The following CIT variants were observed in gnomAD, a reference collection of about 807,000 sequenced individuals.
CIT encodes the protein citron rho-interacting serine/threonine kinase.
In CIT, 79 loss-of-function variants were observed where a neutral mutation model predicts 272.7. The ratio of observed to expected loss-of-function variants is 0.29; its 90% confidence interval spans 0.24 to 0.35. The LOEUF is 0.35. CIT is among the 10% of genes least tolerant of loss of function. CIT has a pLI of 1.00. For missense variants in CIT, 1,909 were observed against 2,618.3 expected, an observed-to-expected ratio of 0.73 and a Z score of 5.91; for synonymous variants, 948 against 995.6, an observed-to-expected ratio of 0.95 and a Z score of 0.90.
At chr12:119,795,645 G>C (rs1965672331) in intron 10 of CIT, among the ~76,000 whole-genome samples, 1 of 152,186 alleles carries the variant, frequency 6.6e-6, no homozygotes, top group Non-Finnish European at 1.5e-5. Context: ...ATCTAGCAAA[G>C]TCATGGCTCT....
chr12:119,836,179 C>T (rs1315381329), intron 5 of CIT, among the ~76,000 whole-genome samples: 2 of 146,922 alleles, frequency 1.4e-5, no homozygotes, highest in Admixed American at 7.0e-5. Flanking sequence ...CCCAGCTACT[C>T]GGGAGGCTGA....
At chr12:119,812,659 G>C (rs1966860526) in intron 9 of CIT, among the ~76,000 whole-genome samples, 2 of 151,718 alleles carry the variant, frequency 1.3e-5, no homozygotes, top group South Asian at 4.2e-4. Flanking sequence ...ATGTTGCCCA[G>C]GCTAGTCTCA....
chr12:119,767,236 G>A (rs1962555740), intron 18 of CIT, 54 bp from the exon 19 acceptor site: 2 of 1,321,736 alleles, frequency 1.5e-6, no homozygotes, highest in Non-Finnish European at 2.1e-6. Flanking sequence ...CACCGCCAAT[G>A]CACGTTAGAC....
At chr12:119,851,050 T>C (rs1166220862) in intron 4 of CIT, among the ~76,000 whole-genome samples, 3 of 152,218 alleles carry the variant, frequency 2.0e-5, no homozygotes, top group African/African-American at 7.2e-5. Context: ...TGAAGTTGGA[T>C]TGGAACTGGG....
chr12:119,861,395 G>C (rs961243401), intron 3 of CIT, among the ~76,000 whole-genome samples: 1 of 152,150 alleles, frequency 6.6e-6, no homozygotes. Flanking sequence ...AGACCAGCCT[G>C]ACCAATATGG....
chr12:119,733,522 T>G (rs1159924420), intron 26 of CIT, among the ~76,000 whole-genome samples: 1 of 136,894 alleles, frequency 7.3e-6, no homozygotes, highest in Non-Finnish European at 1.5e-5. Flanking sequence ...TGACAGAGAC[T>G]CTGTCACAAA....
chr12:119,766,198 C>A (rs1255637393), intron 19 of CIT, among the ~76,000 whole-genome samples: 2 of 151,194 alleles, frequency 1.3e-5, no homozygotes, highest in Non-Finnish European at 2.9e-5. Flanking sequence ...ATGTAACAAA[C>A]CTGCACATCC....
intron 10 of CIT, among the ~76,000 whole-genome samples, chr12:119,794,571 T>C (rs1048429443): frequency 5.3e-5 from 8 of 152,186 alleles, no homozygotes; most frequent in African/African-American, 1.7e-4. Context: ...CACTTCCCAC[T>C]GGCACTGGAT....
intron 10 of CIT, among the ~76,000 whole-genome samples, chr12:119,791,222 A>T (rs1965280849): frequency 6.6e-6 from 1 of 152,184 alleles, no homozygotes; most frequent in Non-Finnish European, 1.5e-5. Context: ...ACTCAAGAAA[A>T]GTGCTACAGA....
At chr12:119,757,314 T>C in intron 22 of CIT, 57 bp downstream of exon 22, 1 of 1,597,464 alleles carries the variant, frequency 6.3e-7, no homozygotes, top group Non-Finnish European at 8.5e-7. Flanking sequence ...AAAGCTGACT[T>C]GTTCAGAGCC....
chr12:119,687,481 A>G lies in CIT; in HGVS notation c.*751T>C, dbSNP rs1955645137. ...AGCGTCTCGAGGTCCCTTGGCCCCA[A>G]GTCACTGCCTCCGAGCTGAGGCCCC... On this transcript the variant is annotated 3_prime_UTR_variant, in exon 48 of 48. Coordinates refer to ENST00000392521, the MANE Select transcript of CIT (RefSeq NM_001206999.2). The G allele has an allele frequency of 2.6e-5, 4 of 152,680 alleles. No homozygotes were observed. Among genetic ancestry groups the G allele is most frequent in the African/African-American group, 9.7e-5 (4 of 41,444 alleles). 9.5% of individuals were successfully genotyped at this position (152,680 alleles called of 1,614,324 possible).
intron 28 of CIT, among the ~76,000 whole-genome samples, chr12:119,724,678 G>A (rs564868887): frequency 6.6e-5 from 10 of 151,960 alleles, no homozygotes; most frequent in South Asian, 2.1e-4. Context: ...AGTGGCTCAC[G>A]CCTGGAATCC....
intron 32 of CIT, among the ~76,000 whole-genome samples, chr12:119,716,779 C>T (rs1045419282): frequency 6.6e-6 from 1 of 152,194 alleles, no homozygotes; most frequent in Non-Finnish European, 1.5e-5. Flanking sequence ...ACAACACCCA[C>T]AGAGGCACAG....
In CIT at chr12:119,738,257, C is replaced by A. The variant is rs931653063; in HGVS notation, c.2959-2900G>T. Among the ~76,000 whole-genome samples, 12 of 152,118 alleles carry A rather than the reference C, an allele frequency of 7.9e-5. 1 individual carries two copies. The highest frequency in any genetic ancestry group is 6.2e-4 in the South Asian group (3 of 4,828). ...ACTTTTTTATTCAGATCTTTGAAAACTGAAATGATGGAGGTAAGATATATT... is the reference window on the plus strand; with the variant it reads ...ACTTTTTTATTCAGATCTTTGAAAAATGAAATGATGGAGGTAAGATATATT... On this transcript the variant is annotated intron_variant, in intron 24 of 47. Coordinates refer to ENST00000392521, the MANE Select transcript of CIT (RefSeq NM_001206999.2).
intron 24 of CIT, among the ~76,000 whole-genome samples, chr12:119,737,360 T>C (rs969343052): frequency 8.0e-5 from 7 of 87,046 alleles, no homozygotes; most frequent in Admixed American, 5.2e-4. Context: ...GGGGAATAAA[T>C]AGACTAGACT....
chr12:119,690,378 CG>C lies in CIT; in HGVS notation c.5958del (p.Glu1987LysfsTer67). 6.3e-7 allele frequency: 1 copy of C among 1,597,166 alleles called. No individual in the cohort carries two copies. The highest frequency in any genetic ancestry group is 1.1e-5 in the South Asian group (1 of 90,116). On this transcript the variant is annotated frameshift_variant, in exon 47 of 48. Coordinates refer to ENST00000392521, the MANE Select transcript of CIT (RefSeq NM_001206999.2). LOFTEE classifies it high-confidence loss of function. This position sits in a 1 kb window ranked among gnomAD's most constrained non-coding sequence, Gnocchi z 6.0. ...GGCTCTCGCGGGTGGCTGGGGCCTT[CG>C]GGCGGCGCTGGGCTGGAGGCCACGC... Reference protein sequence around the residue: ...TKRVASSPAPPEGPSHPREPS... With the variant: ...TKRVASSPAPXEGPSHPREPS...
intron 22 of CIT, among the ~76,000 whole-genome samples, chr12:119,755,338 A>G: frequency 6.6e-6 from 1 of 152,198 alleles, no homozygotes; most frequent in Non-Finnish European, 1.5e-5. Context: ...ATGAGATAAC[A>G]CATTGTTACT....
rs1053210296 is a variant in CIT at position 119,771,006 on chromosome 12, C to T, written c.2083-96G>A. On this transcript the variant is annotated intron_variant, in intron 17 of 47. Coordinates refer to ENST00000392521, the MANE Select transcript of CIT (RefSeq NM_001206999.2). ...AAAGAGCCCTCAAGAAGCATACACT[C>T]GAGTCAGGAAGAAAAGTCTCAGGCA... 5.5e-6 allele frequency: 8 copies of T among 1,441,724 alleles called. No individual in the cohort carries two copies. In the African/African-American group the frequency reaches 5.7e-5, roughly 10 times the overall value. The allele number at this position is 1,441,724 out of a possible 1,614,324, so 89.3% of individuals were successfully genotyped here. A position where few individuals can be genotyped will look rare whatever the true frequency, so the allele number is the denominator to read the frequency against.
intron 22 of CIT, among the ~76,000 whole-genome samples, chr12:119,755,615 G>A (rs567546259): frequency 2.0e-5 from 3 of 152,282 alleles, no homozygotes; most frequent in East Asian, 1.9e-4. Context: ...TGGTGCCAGC[G>A]AACCCTGCTG....
Sources: allele counts gnomAD v4.1 joint callset (sites outside exome capture counted in the v4.1 genomes callset), GRCh38; gene constraint gnomAD v4.1.1; non-coding constraint Gnocchi (gnomAD v3.1); transcripts MANE v1.5; gene names NCBI Gene and HGNC (gene_info 2026-07-23, HGNC 2026-07-21).